The following ZNF148 variants were observed in gnomAD, a reference collection of about 807,000 sequenced individuals.
The protein encoded by ZNF148 is zinc finger protein 148.
Under a neutral mutation model 67.7 loss-of-function variants are expected in ZNF148, and 7 were observed. The observed-to-expected ratio is 0.10, with a 90% CI of 0.06 to 0.19. The LOEUF is 0.19. Ranked by LOEUF, ZNF148 falls within the 10% of genes least tolerant of loss-of-function variation. The probability of loss-of-function intolerance (pLI) is 1.00; values close to 1 mark genes in which losing one functional copy is unlikely to be tolerated. For synonymous variants in ZNF148, 333 were observed against 330.7 expected (o/e 1.01, Z -0.08); for missense variants, 583 against 947.1 (o/e 0.62, Z 5.05).
At chr3:125,296,296 G>A (rs1480559194) in intron 4 of ZNF148, among the ~76,000 whole-genome samples, 1 of 152,012 alleles carries the variant, frequency 6.6e-6, no homozygotes, top group Non-Finnish European at 1.5e-5. Context: ...TAATTATTTT[G>A]TATTTTTAGT....
chr3:125,302,448 C>T (rs1939644997), intron 4 of ZNF148, among the ~76,000 whole-genome samples: 1 of 152,032 alleles, frequency 6.6e-6, no homozygotes, highest in Non-Finnish European at 1.5e-5. Flanking sequence ...CCTTTACCTC[C>T]CTGCCTTATC....
intron 7 of ZNF148, among the ~76,000 whole-genome samples, chr3:125,254,886 C>T (rs976483122): frequency 6.6e-6 from 1 of 152,042 alleles, no homozygotes; most frequent in African/African-American, 2.4e-5. Flanking sequence ...TTCTGTTTGT[C>T]CCATCTGTTC....
At chr3:125,235,909 C>A in intron 7 of ZNF148, among the ~76,000 whole-genome samples, 1 of 126,184 alleles carries the variant, frequency 7.9e-6, no homozygotes. Context: ...ATGAGAACAC[C>A]TGGACAGAGG....
At position 125,232,257 on chromosome 3, in the gene ZNF148, A is replaced by T; in HGVS notation, c.*84T>A. Reference sequence around the variant, plus strand: ...TATTACGCATTGCTCTTAAATCTGTACAGCACTCCATTTACACAGAGTAAC... The same window carrying T: ...TATTACGCATTGCTCTTAAATCTGTTCAGCACTCCATTTACACAGAGTAAC... On this transcript the variant is annotated 3_prime_UTR_variant, in exon 9 of 9. Transcript: ENST00000360647. This position sits in a 1 kb window ranked among gnomAD's most constrained non-coding sequence, Gnocchi z 4.2. 1.4e-6 allele frequency: 2 copies of T among 1,436,814 alleles called. No individual in the cohort carries two copies. The highest frequency in any genetic ancestry group is 1.9e-6 in the Non-Finnish European group (2 of 1,078,500). The allele number at this position is 1,436,814 out of a possible 1,614,324, so 89.0% of individuals were successfully genotyped here. A position where few individuals can be genotyped will look rare whatever the true frequency, so the allele number is the denominator to read the frequency against.
At position 125,339,386 on chromosome 3, in the gene ZNF148, G is replaced by A. The variant is rs186077738; in HGVS notation, c.-233-8148C>T. ...GTGCTAAAATGCAGTAACGTATTAC[G>A]GGAATAGTTGAAACATCTTAAGTAC... On this transcript the variant is annotated intron_variant, in intron 1 of 8. Transcript: ENST00000360647. Among the ~76,000 whole-genome samples the A allele has an allele frequency of 1.3e-3, 200 of 152,126 alleles. 1 individual carries two copies. Among genetic ancestry groups the A allele is most frequent in the South Asian group, 4.2e-3 (20 of 4,814 alleles).
chr3:125,313,016 A>C (rs1313432185), intron 4 of ZNF148, among the ~76,000 whole-genome samples: 1 of 152,218 alleles, frequency 6.6e-6, no homozygotes, highest in East Asian at 1.9e-4. Context: ...TTACTCTTTA[A>C]GGAGAAACCT....
At chr3:125,352,295 C>A (rs879491857) in intron 1 of ZNF148, among the ~76,000 whole-genome samples, 1 of 152,156 alleles carries the variant, frequency 6.6e-6, no homozygotes, top group African/African-American at 2.4e-5. Flanking sequence ...CAAAAAAGAT[C>A]ATCTACTTTA....
chr3:125,283,294 T>C (rs1181498386), intron 5 of ZNF148, among the ~76,000 whole-genome samples: 1 of 152,150 alleles, frequency 6.6e-6, no homozygotes, highest in Non-Finnish European at 1.5e-5. Flanking sequence ...TTCTCAGTAC[T>C]AGATTTTTCT....
At chr3:125,283,193 T>C (rs757775179) in intron 5 of ZNF148, among the ~76,000 whole-genome samples, 5 of 152,040 alleles carry the variant, frequency 3.3e-5, no homozygotes, top group Non-Finnish European at 5.9e-5. Context: ...CCCTGAGTAA[T>C]ACCCATCACG....
At chr3:125,289,580 T>C (rs1385065302) in intron 4 of ZNF148, among the ~76,000 whole-genome samples, 1 of 152,146 alleles carries the variant, frequency 6.6e-6, no homozygotes, top group East Asian at 1.9e-4. Context: ...TTATCACCTC[T>C]GAAGTGGTAT....
At chr3:125,300,493 T>C (rs1461033933) in intron 4 of ZNF148, among the ~76,000 whole-genome samples, 1 of 152,204 alleles carries the variant, frequency 6.6e-6, no homozygotes, top group Non-Finnish European at 1.5e-5. Flanking sequence ...AGAGGTCTTA[T>C]ACCAATGGCC....
chr3:125,249,297 A>G (rs953170871), intron 7 of ZNF148, among the ~76,000 whole-genome samples: 8 of 152,218 alleles, frequency 5.3e-5, no homozygotes, highest in African/African-American at 1.9e-4. Context: ...CCAAAATGCA[A>G]AAGGAACTCA....
At chr3:125,241,340 GGGTCTCGCTATATTGCCTAGGCT>G (rs1161861922) in intron 7 of ZNF148, among the ~76,000 whole-genome samples, 1 of 149,536 alleles carries the variant, frequency 6.7e-6, no homozygotes, top group Non-Finnish European at 1.5e-5. Context: ...TTTAAAGACA[GGGTCTCGCTATATTGCCTAGGCT>G]GGTCTCGAAT....
At chr3:125,357,671 G>C (rs1192571213) in intron 1 of ZNF148, 3 of 152,362 alleles carry the variant, frequency 2.0e-5, no homozygotes, top group Non-Finnish European at 2.9e-5. Context: ...GAATATGAGG[G>C]CTCCCTACTT....
intron 7 of ZNF148, among the ~76,000 whole-genome samples, chr3:125,234,875 C>T (rs1387660256): frequency 6.6e-6 from 1 of 152,086 alleles, no homozygotes; most frequent in African/African-American, 2.4e-5. Flanking sequence ...CCAGCACTTC[C>T]CATATCATTT....
At chr3:125,254,890 T>A (rs188498839) in intron 7 of ZNF148, among the ~76,000 whole-genome samples, 157 of 152,324 alleles carry the variant, frequency 1.0e-3, no homozygotes, top group African/African-American at 3.6e-3. Flanking sequence ...GTTTGTCCCA[T>A]CTGTTCTTTG....
chr3:125,332,896 AT>A (rs1941346500), intron 1 of ZNF148, among the ~76,000 whole-genome samples: 1 of 152,180 alleles, frequency 6.6e-6, no homozygotes, highest in South Asian at 2.1e-4. Flanking sequence ...AATATTATAT[AT>A]TCTGTACACA....
chr3:125,269,763 A>G (rs565766016), intron 7 of ZNF148, among the ~76,000 whole-genome samples: 6 of 152,342 alleles, frequency 3.9e-5, no homozygotes, highest in African/African-American at 1.4e-4. Context: ...ACCATGGAAT[A>G]CTACACAGCC....
At chr3:125,288,276 T>C (rs768875733) in intron 4 of ZNF148, 48 bp from the exon 5 acceptor site, 13 of 1,555,462 alleles carry the variant, frequency 8.4e-6, no homozygotes, top group South Asian at 5.9e-5. Context: ...AAAAAGTTCA[T>C]TGTGACAAAA....
Sources: gnomAD v4.1 joint callset for allele counts (sites outside exome capture counted in the v4.1 genomes callset) on GRCh38, gnomAD v4.1.1 for gene constraint, Gnocchi (gnomAD v3.1) non-coding constraint, MANE v1.5 for transcripts, NCBI Gene and HGNC (gene_info 2026-07-23, HGNC 2026-07-21) for gene names.